Variants in SLC25A26 observed in about 807,000 individuals in gnomAD.
SLC25A26 encodes mitochondrial S-adenosylmethionine carrier protein.
Under a neutral mutation model 37.8 loss-of-function variants are expected in SLC25A26, and 36 were observed. The ratio of observed to expected loss-of-function variants is 0.95; its 90% CI spans 0.73 to 1.26. The LOEUF is 1.26. Ranked by LOEUF, SLC25A26 falls within the 50% of genes most tolerant of loss-of-function variation. SLC25A26 has a pLI of 0.00. For synonymous variants in SLC25A26, 129 were observed against 122.5 expected (o/e 1.05, Z -0.35); for missense variants, 390 against 331.1 (o/e 1.18, Z -1.38).
intron 1 of SLC25A26, among the ~76,000 whole-genome samples, chr3:66,156,707 T>C (rs920738510): frequency 2.0e-5 from 3 of 152,094 alleles, no homozygotes; most frequent in Non-Finnish European, 4.4e-5. Context: ...ACTCTTTTTT[T>C]GGAACCTATC....
chr3:66,161,053 T>C (rs2070351413), intron 1 of SLC25A26, among the ~76,000 whole-genome samples: 1 of 152,204 alleles, frequency 6.6e-6, no homozygotes, highest in Non-Finnish European at 1.5e-5. Flanking sequence ...TCACAGCTTT[T>C]AATGGTTTGT....
intron 5 of SLC25A26, among the ~76,000 whole-genome samples, chr3:66,279,580 A>G (rs1250252074): frequency 6.6e-6 from 1 of 152,192 alleles, no homozygotes; most frequent in African/African-American, 2.4e-5. Context: ...CAAATATCTC[A>G]TTAAAGACAG....
At chr3:66,280,019 C>G (rs1325463982) in intron 5 of SLC25A26, among the ~76,000 whole-genome samples, 2 of 152,176 alleles carry the variant, frequency 1.3e-5, no homozygotes, top group Non-Finnish European at 2.9e-5. Flanking sequence ...TTCATGTTGA[C>G]TAACAAAGAT....
In SLC25A26 at chr3:66,346,715, C is replaced by CGTGT. The variant is rs34944870; in HGVS notation, c.498+350_498+353dup. On this transcript the variant is annotated intron_variant, in intron 6 of 9. Transcript: ENST00000354883. ...CCGTTAAATTTCATTTTGCTGTGTG[C>CGTGT]GTGTGTGTGTGTGTGTGTGTGTGTG... Among the ~76,000 whole-genome samples, 5,635 of 138,898 alleles carry CGTGT rather than the reference C, an allele frequency of 0.041. 123 individuals carry two copies. The highest frequency in any genetic ancestry group is 0.13 in the East Asian group (600 of 4,600). 91.1% of individuals were successfully genotyped at this position (138,898 alleles called of 152,430 possible).
At chr3:66,253,267 C>T (rs1469921448) in intron 3 of SLC25A26, among the ~76,000 whole-genome samples, 4 of 151,288 alleles carry the variant, frequency 2.6e-5, no homozygotes, top group Non-Finnish European at 4.4e-5. Flanking sequence ...AAAAGTTAGT[C>T]GGGCATGGTG....
At chr3:66,257,356 A>AT (rs2073343855) in intron 3 of SLC25A26, among the ~76,000 whole-genome samples, 1 of 152,140 alleles carries the variant, frequency 6.6e-6, no homozygotes, top group Non-Finnish European at 1.5e-5. Flanking sequence ...TTTAAAATGA[A>AT]TTAAAAAAAA....
At chr3:66,376,623 A>G (rs1189024732) in intron 9 of SLC25A26, among the ~76,000 whole-genome samples, 1 of 152,244 alleles carries the variant, frequency 6.6e-6, no homozygotes, top group African/African-American at 2.4e-5. Context: ...TGTAGTAGAA[A>G]CATAACTTTT....
intron 5 of SLC25A26, among the ~76,000 whole-genome samples, chr3:66,299,102 CTGTG>C (rs1410359594): frequency 1.2e-4 from 18 of 152,154 alleles, no homozygotes; most frequent in East Asian, 3.9e-4. Context: ...ACATTTGTTA[CTGTG>C]TGTGTGTTTA....
chr3:66,146,776 C>T (rs999633966), intron 1 of SLC25A26, among the ~76,000 whole-genome samples: 5 of 152,060 alleles, frequency 3.3e-5, no homozygotes, highest in Non-Finnish European at 5.9e-5. Context: ...TTTTAATGCA[C>T]TCATCACCCA....
At chr3:66,312,684 A>G (rs951692949) in intron 5 of SLC25A26, among the ~76,000 whole-genome samples, 21 of 152,168 alleles carry the variant, frequency 1.4e-4, no homozygotes, top group African/African-American at 4.8e-4. Flanking sequence ...TGGGAAAAGC[A>G]TAGTATTTGG....
chr3:66,157,600 G>C (rs189040424), intron 1 of SLC25A26, among the ~76,000 whole-genome samples: 147 of 152,264 alleles, frequency 9.7e-4, no homozygotes, highest in Non-Finnish European at 1.5e-3. Flanking sequence ...AGACATTTCA[G>C]CTCCAAAATC....
chr3:66,307,517 A>G (rs1050930163), intron 5 of SLC25A26, among the ~76,000 whole-genome samples: 17 of 152,104 alleles, frequency 1.1e-4, no homozygotes, highest in African/African-American at 3.9e-4. Flanking sequence ...ATTAGATCCC[A>G]TTTGTCAATT....
At chr3:66,146,016 T>C (rs2070109592) in intron 1 of SLC25A26, among the ~76,000 whole-genome samples, 2 of 152,212 alleles carry the variant, frequency 1.3e-5, no homozygotes, top group African/African-American at 4.8e-5. Flanking sequence ...TTTTTACACA[T>C]ATTTTATTTT....
intron 1 of SLC25A26, among the ~76,000 whole-genome samples, chr3:66,207,587 A>C (rs1264831025): frequency 6.6e-6 from 1 of 152,214 alleles, no homozygotes; most frequent in African/African-American, 2.4e-5. Flanking sequence ...AATGGACCTC[A>C]TCTCTAAATT....
chr3:66,200,303 C>T (rs988164484), intron 1 of SLC25A26, among the ~76,000 whole-genome samples: 21,808 of 152,228 alleles, frequency 0.14, 1,978 homozygotes, highest in South Asian at 0.25. Flanking sequence ...TACTGCCTCT[C>T]GTCTTTACTA....
chr3:66,315,424 G>A (rs1050604936), intron 5 of SLC25A26, among the ~76,000 whole-genome samples: 1 of 152,096 alleles, frequency 6.6e-6, no homozygotes, highest in Non-Finnish European at 1.5e-5. Flanking sequence ...ATATACCTTT[G>A]TGGTGTTGAG....
At chr3:66,346,190 T>C (rs2076318233) in intron 5 of SLC25A26, 174 bp from the exon 6 acceptor site, 1 of 152,592 alleles carries the variant, frequency 6.6e-6, no homozygotes, top group African/African-American at 2.4e-5. Context: ...AAAATGAAAA[T>C]CTACAGGCCA....
chr3:66,259,199 C>T (rs1478191034), intron 3 of SLC25A26, among the ~76,000 whole-genome samples: 1 of 152,196 alleles, frequency 6.6e-6, no homozygotes. Flanking sequence ...ACATTATGTA[C>T]CGCCTTCCAG....
chr3:66,189,160 C>A (rs1327240633), intron 1 of SLC25A26, among the ~76,000 whole-genome samples: 1 of 152,024 alleles, frequency 6.6e-6, no homozygotes, highest in Admixed American at 6.6e-5. Context: ...CTTATTTGAC[C>A]TCATTCTTAC....
Sources: allele counts gnomAD v4.1 joint callset (sites outside exome capture counted in the v4.1 genomes callset), GRCh38; gene constraint gnomAD v4.1.1; transcripts MANE v1.5; gene names NCBI Gene and HGNC (gene_info 2026-07-23, HGNC 2026-07-21).